The following EPHA7 variants were observed in gnomAD, a reference collection of about 807,000 sequenced individuals.
EPHA7 encodes EPH receptor A7.
Under a neutral mutation model 112.6 loss-of-function variants are expected in EPHA7, and 25 were observed. The ratio of observed to expected loss-of-function variants is 0.22; its 90% confidence interval spans 0.16 to 0.31. The LOEUF (loss-of-function observed/expected upper bound fraction) is 0.31, where lower values mean the gene tolerates loss of function less well. Ranked by LOEUF, EPHA7 falls within the 10% of genes least tolerant of loss-of-function variation. The probability of loss-of-function intolerance (pLI) is 1.00; values close to 1 mark genes in which losing one functional copy is unlikely to be tolerated. For missense variants in EPHA7, 962 were observed against 1,212.6 expected (o/e 0.79, Z 3.07); for synonymous variants, 437 against 406.5 (o/e 1.07, Z -0.90).
At chr6:93,350,242 T>G (rs1775624024) in intron 5 of EPHA7, among the ~76,000 whole-genome samples, 1 of 152,016 alleles carries the variant, frequency 6.6e-6, no homozygotes. Context: ...AAATAACACT[T>G]CTTAGTAGGT....
rs147522292 is a variant in EPHA7 at position 93,411,909 on chromosome 6, A to G, written c.163-739T>C. The stretch of plus-strand genomic sequence containing the variant: ...TATTTAGTATAAACCTTCTGACAGG[A>G]AAAATATCAGATGTTTAAAAATGTC... On this transcript the variant is annotated intron_variant, in intron 2 of 16. Coordinates refer to ENST00000369303, the MANE Select transcript of EPHA7 (RefSeq NM_004440.4). Among the ~76,000 whole-genome samples the G allele has an allele frequency of 5.5e-4, 84 of 152,200 alleles. 2 individuals are homozygous for G. The East Asian group carries it at 0.015, about 28-fold the overall frequency.
At chr6:93,391,159 G>A (rs143167594) in intron 3 of EPHA7, among the ~76,000 whole-genome samples, 4 of 151,874 alleles carry the variant, frequency 2.6e-5, no homozygotes, top group African/African-American at 9.7e-5. Flanking sequence ...AGTGTACTCT[G>A]AAAAGTACAA....
intron 3 of EPHA7, among the ~76,000 whole-genome samples, chr6:93,369,800 G>A (rs1439295574): frequency 6.6e-6 from 1 of 152,170 alleles, no homozygotes; most frequent in East Asian, 1.9e-4. Flanking sequence ...ATGGACGAAT[G>A]AAGGAATCTT....
Position 93,269,657 on chromosome 6 carries a change from G to T in EPHA7, c.1453C>A (p.Gln485Lys). ...ACTGTTGAGTAGGTCCGTTCCCTTTGATCCTAGAAACAATATTTAGAGGAA... is the reference window on the plus strand; with the variant it reads ...ACTGTTGAGTAGGTCCGTTCCCTTTTATCCTAGAAACAATATTTAGAGGAA... The part of the protein sequence containing the change: ...EYEIKYYEKD[Q>K]RERTYSTVKT... Residue 485 changes from glutamine to lysine, a missense_variant, in exon 7 of 17, where the codon CAA (glutamine) becomes AAA (lysine). Around this residue, in one of 3 missense-constraint regions of EPHA7, gnomAD observed 746 missense variants for 889.2 expected, o/e 0.84. Transcript: ENST00000369303. The T allele has an allele frequency of 6.6e-7, 1 of 1,512,050 alleles. No homozygotes were observed. The highest frequency in any genetic ancestry group is 1.3e-5 in the South Asian group (1 of 75,708). 93.7% of individuals were successfully genotyped at this position (1,512,050 alleles called of 1,614,324 possible).
chr6:93,282,276 A>G (rs529397019), intron 5 of EPHA7, among the ~76,000 whole-genome samples: 1 of 152,372 alleles, frequency 6.6e-6, no homozygotes, highest in African/African-American at 2.4e-5. Context: ...AATAAATCCT[A>G]TTTATCCATT....
Position 93,283,110 on chromosome 6 carries a change from A to T in EPHA7, c.1325-10688T>A, listed in dbSNP as rs1472795324. ...CTTGGAGAACCTTTATGTCTAGCTA[A>T]GGGATTGTGAATGCACCAATCGGCA... is the stretch of plus-strand genomic sequence containing the variant. On this transcript the variant is annotated intron_variant, in intron 5 of 16. Coordinates refer to ENST00000369303, the MANE Select transcript of EPHA7 (RefSeq NM_004440.4). Among the ~76,000 whole-genome samples, 3 of 152,196 alleles carry T rather than the reference A, an allele frequency of 2.0e-5. No homozygotes were observed. The East Asian group carries it at 5.8e-4, about 29-fold the overall frequency.
intron 3 of EPHA7, among the ~76,000 whole-genome samples, chr6:93,405,815 A>G (rs568420): frequency 0.11 from 2,871 of 25,294 alleles, 22 homozygotes; most frequent in African/African-American, 0.13. Context: ...GTGTGTGTGT[A>G]TATATATATA....
At position 93,397,346 on chromosome 6, in the gene EPHA7, C is replaced by T. The variant is rs117092495; in HGVS notation, c.832+13155G>A. 2.0e-5 allele frequency among the ~76,000 whole-genome samples: 3 copies of T among 150,626 alleles called. No individual in the cohort carries two copies. The East Asian group carries it at 5.8e-4, about 29-fold the overall frequency. ...TACTTAGAATTTTCTTTCTATAAAA[C>T]AGAGTAAACAAAATCAAAATTCTTC... On this transcript the variant is annotated intron_variant, in intron 3 of 16. Coordinates refer to ENST00000369303, the MANE Select transcript of EPHA7 (RefSeq NM_004440.4).
intron 2 of EPHA7, among the ~76,000 whole-genome samples, chr6:93,413,683 A>T (rs1460247099): frequency 6.6e-6 from 1 of 151,958 alleles, no homozygotes; most frequent in African/African-American, 2.4e-5. Context: ...CACAATATGA[A>T]TGAAAGGAAT....
At chr6:93,351,442 C>A (rs771791403) in intron 5 of EPHA7, among the ~76,000 whole-genome samples, 6 of 152,010 alleles carry the variant, frequency 3.9e-5, no homozygotes, top group Non-Finnish European at 5.9e-5. Context: ...GAGAAACTAT[C>A]CCTAACCTCT....
intron 10 of EPHA7, 40 bp from the exon 11 acceptor site, chr6:93,258,324 A>C (rs376974345): frequency 1.1e-4 from 163 of 1,501,262 alleles, no homozygotes; most frequent in Non-Finnish European, 1.3e-4. Flanking sequence ...TAGTTTCTAA[A>C]TATTGTAATT....
intron 5 of EPHA7, among the ~76,000 whole-genome samples, chr6:93,323,390 C>T (rs1311084440): frequency 3.3e-5 from 5 of 151,390 alleles, no homozygotes; most frequent in South Asian, 2.1e-4. Flanking sequence ...ATATTCTACT[C>T]GATTACCATC....
chr6:93,260,357 A>G (rs1440970334), intron 9 of EPHA7: 1 of 235,984 alleles, frequency 4.2e-6, no homozygotes, highest in Non-Finnish European at 6.9e-6. Context: ...AGATAATACT[A>G]TGTCAACTTT....
At chr6:93,339,853 C>G (rs1285487552) in intron 5 of EPHA7, among the ~76,000 whole-genome samples, 1 of 151,682 alleles carries the variant, frequency 6.6e-6, no homozygotes, top group East Asian at 1.9e-4. Context: ...GTTAACAAAT[C>G]ATTCCTAAAT....
chr6:93,388,859 A>C (rs1275979256), intron 3 of EPHA7, among the ~76,000 whole-genome samples: 2 of 152,102 alleles, frequency 1.3e-5, no homozygotes, highest in Non-Finnish European at 2.9e-5. Context: ...GATCTTAGAA[A>C]CTATGGGAGG....
intron 5 of EPHA7, among the ~76,000 whole-genome samples, chr6:93,290,169 T>C (rs542418346): frequency 3.3e-5 from 5 of 152,138 alleles, no homozygotes; most frequent in African/African-American, 9.6e-5. Flanking sequence ...AAGTTCTTCA[T>C]ATTTATAGTC....
rs778426683 is a variant in EPHA7 at position 93,358,405 on chromosome 6, C to T, written c.839G>A (p.Gly280Asp). The change falls in exon 4 of 17, where the codon GGC (glycine) becomes GAC (aspartate). Residue 280 changes from glycine to aspartate, a missense_variant. By Grantham distance (94) the Gly-to-Asp change is moderately conservative. Transcript: ENST00000369303. ...QQKGDTCEPC[G>D]RGFYKSSSQD... Reference sequence around the variant, plus strand: ...AGAGGAAGACTTGTAGAACCCACGGCCACAGGCTGGGAATGCAAAAGAAAG... The same window carrying T: ...AGAGGAAGACTTGTAGAACCCACGGTCACAGGCTGGGAATGCAAAAGAAAG... 1 of 1,604,676 alleles carries T rather than the reference C, an allele frequency of 6.2e-7. No individual in the cohort carries two copies. The highest frequency in any genetic ancestry group is 8.5e-7 in the Non-Finnish European group (1 of 1,175,064).
At chr6:93,343,440 T>G (rs2127924532) in intron 5 of EPHA7, among the ~76,000 whole-genome samples, 1 of 151,866 alleles carries the variant, frequency 6.6e-6, no homozygotes, top group Non-Finnish European at 1.5e-5. Flanking sequence ...ATATACAGGG[T>G]TTGTGTTTGA....
At chr6:93,311,141 T>TTTTTTTTTTA (rs1773519550) in intron 5 of EPHA7, among the ~76,000 whole-genome samples, 2 of 132,208 alleles carry the variant, frequency 1.5e-5, no homozygotes, top group Admixed American at 7.7e-5. Context: ...TTTTTTTTTT[T>TTTTTTTTTTA]ACAGAGATTG....
Sources: allele counts gnomAD v4.1 joint callset (sites outside exome capture counted in the v4.1 genomes callset), GRCh38; gene constraint gnomAD v4.1.1; regional missense constraint gnomAD v4.1.1; transcripts MANE v1.5; gene names NCBI Gene and HGNC (gene_info 2026-07-23, HGNC 2026-07-21).